The following NUP107 variants were observed in gnomAD, a reference collection of about 807,000 sequenced individuals.
The protein encoded by NUP107 is nucleoporin 107.
Under a neutral mutation model 141.0 loss-of-function variants are expected in NUP107, and 101 were observed. That is an observed-to-expected ratio of 0.72 (90% CI 0.61 to 0.84). The LOEUF (loss-of-function observed/expected upper bound fraction) is 0.84. Ranked by LOEUF, NUP107 falls within the 40% of genes least tolerant of loss-of-function variation. NUP107 has a pLI of 0.00. For missense variants in NUP107, 941 were observed against 1,102.7 expected (o/e 0.85, Z 2.08); for synonymous variants, 319 against 363.9 (o/e 0.88, Z 1.41).
At chr12:68,723,195 A>G (rs1451485163) in intron 17 of NUP107, among the ~76,000 whole-genome samples, 1 of 152,030 alleles carries the variant, frequency 6.6e-6, no homozygotes, top group Non-Finnish European at 1.5e-5. Context: ...CAGCATAGCA[A>G]AACTTCGTCT....
Position 68,744,376 on chromosome 12 carries a change from T to C in NUP107, c.*1914T>C, listed in dbSNP as rs889746833. 5 of 152,086 alleles carry C rather than the reference T, an allele frequency of 3.3e-5. No individual in the cohort carries two copies. Among genetic ancestry groups the C allele is most frequent in the African/African-American group, 9.7e-5 (4 of 41,410 alleles). 9.4% of individuals were successfully genotyped at this position (152,086 alleles called of 1,614,324 possible). ...TAGGATGCCCTCAAATGGACTTGTT[T>C]TTAATTTTTATTTATTTATTTATTT... is the stretch of plus-strand genomic sequence containing the variant. On this transcript the variant is annotated 3_prime_UTR_variant, in exon 28 of 28. Coordinates refer to ENST00000229179, the MANE Select transcript of NUP107 (RefSeq NM_020401.4).
chr12:68,691,372 A>G (rs1875777146), intron 4 of NUP107, among the ~76,000 whole-genome samples: 1 of 152,218 alleles, frequency 6.6e-6, no homozygotes, highest in Admixed American at 6.5e-5. Context: ...AGGTTAACAG[A>G]TGAAGAATAT....
At position 68,692,073 on chromosome 12, in the gene NUP107, A is replaced by G; in HGVS notation, c.409A>G (p.Ser137Gly). ...PHSITEDVTI[S>G]AVMLREDDPG... Reference sequence around the variant, plus strand: ...CAGTATAACAGAAGATGTAACTATCAGTGCTGTTATGTTACGTGAGGATGA... The same window carrying G: ...CAGTATAACAGAAGATGTAACTATCGGTGCTGTTATGTTACGTGAGGATGA... The change falls in exon 5 of 28, where the codon AGT (serine) becomes GGT (glycine). Residue 137 changes from serine to glycine, a missense_variant. Physicochemically the swap from Ser to Gly is moderately conservative, Grantham distance 56. Coordinates refer to ENST00000229179, the MANE Select transcript of NUP107 (RefSeq NM_020401.4). 6.2e-7 allele frequency: 1 copy of G among 1,610,514 alleles called. No homozygotes were observed. The highest frequency in any genetic ancestry group is 8.5e-7 in the Non-Finnish European group (1 of 1,179,024).
chr12:68,713,387 A>C (rs546613096), intron 10 of NUP107, among the ~76,000 whole-genome samples: 1 of 152,012 alleles, frequency 6.6e-6, no homozygotes, highest in Admixed American at 6.6e-5. Flanking sequence ...AAAAAAAAAA[A>C]AAAAAACCCA....
At chr12:68,733,382 G>A in intron 23 of NUP107, 70 bp from the exon 24 acceptor site, 2 of 1,444,256 alleles carry the variant, frequency 1.4e-6, no homozygotes, top group Non-Finnish European at 1.9e-6. Context: ...GTAAACCAGT[G>A]ATTTGACTCC....
chr12:68,703,674 C>T (rs976149079), intron 8 of NUP107, among the ~76,000 whole-genome samples: 1 of 152,126 alleles, frequency 6.6e-6, no homozygotes, highest in Non-Finnish European at 1.5e-5. Context: ...TGGTCTCGAT[C>T]TCCTGACCTT....
intron 5 of NUP107, among the ~76,000 whole-genome samples, chr12:68,693,077 A>AT (rs1486433921): frequency 3.3e-4 from 48 of 143,834 alleles, no homozygotes; most frequent in Non-Finnish European, 5.5e-4. Flanking sequence ...TTATTTATTT[A>AT]TTTATTTATT....
intron 10 of NUP107, among the ~76,000 whole-genome samples, chr12:68,712,209 AC>A: frequency 6.6e-6 from 1 of 152,212 alleles, no homozygotes; most frequent in East Asian, 1.9e-4. Flanking sequence ...GCGGGCAGGT[AC>A]AGTGGCTCAC....
At chr12:68,722,791 T>C (rs1592513773) in intron 17 of NUP107, among the ~76,000 whole-genome samples, 1 of 152,208 alleles carries the variant, frequency 6.6e-6, no homozygotes, top group Non-Finnish European at 1.5e-5. Flanking sequence ...CTTAACCTTA[T>C]TCTTTTTAAT....
chr12:68,713,898 C>T, intron 11 of NUP107, 90 bp downstream of exon 11: 1 of 1,021,756 alleles, frequency 9.8e-7, no homozygotes, highest in Non-Finnish European at 1.5e-6. Flanking sequence ...CTTTGTTTTG[C>T]TCTTCTAAAG....
chr12:68,716,688 A>G (rs999266986), intron 12 of NUP107, among the ~76,000 whole-genome samples: 1 of 152,166 alleles, frequency 6.6e-6, no homozygotes, highest in South Asian at 2.1e-4. Context: ...TTAATATCTT[A>G]TATGTAGAAT....
intron 17 of NUP107, among the ~76,000 whole-genome samples, chr12:68,724,346 C>T (rs939364107): frequency 3.3e-5 from 5 of 152,182 alleles, no homozygotes; most frequent in African/African-American, 1.2e-4. Context: ...ATAGATATAT[C>T]ATGTTCCTCG....
At position 68,735,364 on chromosome 12, in the gene NUP107, T is replaced by C. The variant is rs1464451796; in HGVS notation, c.2502+20T>C. ...AGAGAGGTAAGCTGTGTGCATTGTT[T>C]ATAGCCAAAAACCAAAACACTCACC... On this transcript the variant is annotated intron_variant, in intron 26 of 27. Transcript: ENST00000229179. The C allele has an allele frequency of 3.2e-6, 5 of 1,576,076 alleles. No homozygotes were observed. Among genetic ancestry groups the C allele is most frequent in the Non-Finnish European group, 4.4e-6 (5 of 1,145,930 alleles).
chr12:68,721,175 C>G lies in NUP107; in HGVS notation c.1309C>G (p.Gln437Glu). 6.2e-7 allele frequency: 1 copy of G among 1,602,642 alleles called. No individual in the cohort carries two copies. Among genetic ancestry groups the G allele is most frequent in the Non-Finnish European group, 8.5e-7 (1 of 1,171,434 alleles). Residue 437 changes from glutamine (Q) to glutamate (E), a missense_variant and splice_region_variant, in exon 15 of 28, where the codon CAG becomes GAG. Physicochemically the swap from Gln to Glu is conservative, Grantham distance 29 (BLOSUM62 2). Coordinates refer to ENST00000229179, the MANE Select transcript of NUP107 (RefSeq NM_020401.4). ...IYAALSGNLK[Q>E]LLPVCDTWED... is the part of the protein sequence containing the mutation. ...TGCAGCTTTAAGTGGGAATCTTAAG[C>G]AGGTATGCAATCTGTTTTAATGTTT...
At chr12:68,707,299 T>C (rs191167110) in intron 8 of NUP107, among the ~76,000 whole-genome samples, 77 of 139,888 alleles carry the variant, frequency 5.5e-4, no homozygotes, top group Non-Finnish European at 8.9e-4. Flanking sequence ...CTGCCAACTG[T>C]CAAAAAAGAA....
Position 68,700,831 on chromosome 12 carries a change from A to T in NUP107, c.658A>T (p.Arg220Trp). 1 of 1,601,514 alleles carries T rather than the reference A, an allele frequency of 6.2e-7. No homozygotes were observed. Among genetic ancestry groups the T allele is most frequent in the Non-Finnish European group, 8.5e-7 (1 of 1,176,868 alleles). ...TCTTCAACAGGAGATGGTCACATGGAGGCTGCTGGCTTCTTTGTATAGGTA... is the reference window on the plus strand; with the variant it reads ...TCTTCAACAGGAGATGGTCACATGGTGGCTGCTGGCTTCTTTGTATAGGTA... Reference protein sequence around the residue: ...WLLQQEMVTWRLLASLYRDRI... With the variant: ...WLLQQEMVTWWLLASLYRDRI... Residue 220 changes from arginine to tryptophan, a missense_variant, in exon 7 of 28, where the codon AGG (arginine) becomes TGG (tryptophan). Coordinates refer to ENST00000229179, the MANE Select transcript of NUP107 (RefSeq NM_020401.4).
At chr12:68,741,372 G>A (rs553833987) in intron 26 of NUP107, among the ~76,000 whole-genome samples, 1 of 152,196 alleles carries the variant, frequency 6.6e-6, no homozygotes, top group Admixed American at 6.5e-5. Context: ...ATGTGTATAA[G>A]CAAAGTAGTC....
chr12:68,734,720 A>G lies in NUP107; in HGVS notation c.2275A>G (p.Thr759Ala). The part of the protein sequence containing the change: ...CIRAYLEAHE[T>A]FNEWFKHMNS... ...TTTCACATTTTAGGAAGCCCATGAA[A>G]CCTTTAATGAGTGGTTTAAGCATAT... Residue 759 changes from threonine (T) to alanine (A), a missense_variant, in exon 25 of 28, where the codon ACC (threonine) becomes GCC (alanine). Transcript: ENST00000229179. 6.3e-7 allele frequency: 1 copy of G among 1,584,332 alleles called. No individual in the cohort carries two copies. Among genetic ancestry groups the G allele is most frequent in the Non-Finnish European group, 8.6e-7 (1 of 1,167,548 alleles).
intron 1 of NUP107, 37 bp downstream of exon 1, chr12:68,687,110 G>C (rs1359097250): frequency 6.2e-7 from 1 of 1,613,226 alleles, no homozygotes; most frequent in Non-Finnish European, 8.5e-7. Flanking sequence ...CCGAAGTCTT[G>C]CCCGTCTCGC....
Sources: allele counts gnomAD v4.1 joint callset (sites outside exome capture counted in the v4.1 genomes callset), GRCh38; gene constraint gnomAD v4.1.1; transcripts MANE v1.5; gene names NCBI Gene and HGNC (gene_info 2026-07-23, HGNC 2026-07-21).